EXOC6B: variants seen among roughly 807,000 people sequenced by gnomAD.
EXOC6B encodes the protein exocyst complex component 6B.
Under a neutral mutation model 113.5 loss-of-function variants are expected in EXOC6B, and 54 were observed. The ratio of observed to expected loss-of-function variants is 0.48; its 90% CI spans 0.38 to 0.60. The LOEUF (loss-of-function observed/expected upper bound fraction) is 0.60, where lower values mean the gene tolerates loss of function less well. Among genes scored for constraint, EXOC6B ranks in the 20% least tolerant of loss-of-function variants. EXOC6B has a pLI of 0.00. For missense variants in EXOC6B, 797 were observed against 977.5 expected (o/e 0.82, Z 2.46); for synonymous variants, 357 against 339.0 (o/e 1.05, Z -0.58).
chr2:72,535,842 C>T (rs1003508790), intron 8 of EXOC6B, among the ~76,000 whole-genome samples: 6 of 149,772 alleles, frequency 4.0e-5, no homozygotes, highest in Non-Finnish European at 7.4e-5. Context: ...TGCACTCCAG[C>T]CTGGGCAACG....
chr2:72,339,106 G>C (rs1187096547), intron 19 of EXOC6B, among the ~76,000 whole-genome samples: 1 of 152,040 alleles, frequency 6.6e-6, no homozygotes, highest in Non-Finnish European at 1.5e-5. Context: ...GATGCTGCTT[G>C]ATAGAAAGAA....
At chr2:72,740,035 G>T (rs1281405071) in intron 2 of EXOC6B, among the ~76,000 whole-genome samples, 1 of 152,050 alleles carries the variant, frequency 6.6e-6, no homozygotes, top group East Asian at 1.9e-4. Flanking sequence ...TAATATTTCT[G>T]CAGCAAAACA....
At chr2:72,401,663 A>ATG (rs1693332127) in intron 18 of EXOC6B, among the ~76,000 whole-genome samples, 1 of 76,344 alleles carries the variant, frequency 1.3e-5, no homozygotes. Flanking sequence ...ATATATATAT[A>ATG]TATGTATATA....
chr2:72,609,869 C>A (rs1670970115), intron 6 of EXOC6B, among the ~76,000 whole-genome samples: 1 of 151,842 alleles, frequency 6.6e-6, no homozygotes, highest in Non-Finnish European at 1.5e-5. Context: ...TTAAGAACAG[C>A]AAGAAAAATT....
intron 20 of EXOC6B, among the ~76,000 whole-genome samples, chr2:72,238,540 T>C (rs1468851744): frequency 6.6e-6 from 1 of 152,216 alleles, no homozygotes; most frequent in East Asian, 1.9e-4. Context: ...AAAGTGTCAA[T>C]TTCTCCACAT....
rs562528947 is a variant in EXOC6B, at chr2:72,245,466, G to A, written c.2197-61279C>T. 3.4e-4 allele frequency among the ~76,000 whole-genome samples: 51 copies of A among 152,174 alleles called. 1 individual carries two copies. In the South Asian group the frequency reaches 0.01, roughly 31 times the overall value. The stretch of plus-strand genomic sequence containing the variant: ...GACAAACTGATACATCCATACAATG[G>A]GACATTATTCAACGTTAAAAAGAAA... On this transcript the variant is annotated intron_variant, in intron 20 of 21. Transcript: ENST00000272427.
chr2:72,516,537 G>A (rs575359812), intron 8 of EXOC6B, among the ~76,000 whole-genome samples: 2 of 152,114 alleles, frequency 1.3e-5, no homozygotes, highest in Admixed American at 6.5e-5. Context: ...CACCACGCCC[G>A]GCCCTGAATT....
At chr2:72,487,186 A>G (rs1034514239) in intron 16 of EXOC6B, among the ~76,000 whole-genome samples, 3 of 152,200 alleles carry the variant, frequency 2.0e-5, no homozygotes, top group African/African-American at 7.2e-5. Flanking sequence ...ATTGAACGCC[A>G]TACTTTATTC....
intron 19 of EXOC6B, among the ~76,000 whole-genome samples, chr2:72,377,235 C>T: frequency 6.6e-6 from 1 of 151,984 alleles, no homozygotes; most frequent in Non-Finnish European, 1.5e-5. Flanking sequence ...AAAGGAAATC[C>T]TTGTGCATTA....
chr2:72,758,042 G>A (rs1209657861), intron 1 of EXOC6B, among the ~76,000 whole-genome samples: 1 of 151,680 alleles, frequency 6.6e-6, no homozygotes, highest in African/African-American at 2.4e-5. Context: ...GTGTGCCTGT[G>A]GTTCCAGCTG....
intron 1 of EXOC6B, among the ~76,000 whole-genome samples, chr2:72,810,026 A>C (rs1685793239): frequency 6.6e-6 from 1 of 152,228 alleles, no homozygotes; most frequent in East Asian, 1.9e-4. Context: ...AATTTAAAAG[A>C]ACTGAAATCA....
chr2:72,298,408 C>T (rs1481507725), intron 20 of EXOC6B, among the ~76,000 whole-genome samples: 1 of 152,120 alleles, frequency 6.6e-6, no homozygotes, highest in Non-Finnish European at 1.5e-5. Flanking sequence ...CTCCTGAATA[C>T]AGCACACTGA....
At chr2:72,316,208 G>A (rs539808842) in intron 20 of EXOC6B, among the ~76,000 whole-genome samples, 1 of 152,178 alleles carries the variant, frequency 6.6e-6, no homozygotes, top group Non-Finnish European at 1.5e-5. Context: ...TTGAACCCAG[G>A]TGCTCACCAG....
intron 18 of EXOC6B, among the ~76,000 whole-genome samples, chr2:72,440,239 G>A (rs540739107): frequency 6.6e-6 from 1 of 152,266 alleles, no homozygotes; most frequent in South Asian, 2.1e-4. Flanking sequence ...TCTGTGCCCA[G>A]TTGGCTTTGG....
intron 6 of EXOC6B, among the ~76,000 whole-genome samples, chr2:72,608,592 A>T (rs1670885967): frequency 6.6e-6 from 1 of 152,168 alleles, no homozygotes; most frequent in African/African-American, 2.4e-5. Context: ...GTCAGCAGCT[A>T]TAAAATTTAG....
At chr2:72,354,826 A>C (rs543248903) in intron 19 of EXOC6B, among the ~76,000 whole-genome samples, 1 of 152,382 alleles carries the variant, frequency 6.6e-6, no homozygotes, top group South Asian at 2.1e-4. Context: ...CAAGCCTTGT[A>C]GGCATGGTCA....
intron 1 of EXOC6B, among the ~76,000 whole-genome samples, chr2:72,767,808 T>TAAAAAAAAAAAAAA (rs34358568): frequency 0.028 from 356 of 12,680 alleles, 88 homozygotes; most frequent in African/African-American, 0.056. Context: ...GAGACCTTGT[T>TAAAAAAAAAAAAAA]AAAAAAAAAA....
At chr2:72,284,588 C>T (rs1685312920) in intron 20 of EXOC6B, among the ~76,000 whole-genome samples, 1 of 151,962 alleles carries the variant, frequency 6.6e-6, no homozygotes, top group African/African-American at 2.4e-5. Flanking sequence ...AAGATCAAAA[C>T]CACTCCTTTT....
intron 17 of EXOC6B, among the ~76,000 whole-genome samples, chr2:72,467,643 A>C (rs892865448): frequency 6.6e-6 from 1 of 152,122 alleles, no homozygotes; most frequent in African/African-American, 2.4e-5. Context: ...AGAAATGTCT[A>C]TTCAAAAGCT....
Sources: gnomAD v4.1 joint callset for allele counts (sites outside exome capture counted in the v4.1 genomes callset) on GRCh38, gnomAD v4.1.1 for gene constraint, MANE v1.5 for transcripts, NCBI Gene and HGNC (gene_info 2026-07-23, HGNC 2026-07-21) for gene names.